Variants in TTC21B observed in about 807,000 individuals in gnomAD.
The protein encoded by TTC21B is tetratricopeptide repeat domain 21B.
A neutral mutation model predicts 175.1 loss-of-function variants in TTC21B; 127 were observed. That is an observed-to-expected ratio of 0.73 (90% CI 0.63 to 0.84). The LOEUF (loss-of-function observed/expected upper bound fraction) is 0.84, where lower values mean the gene tolerates loss of function less well. Ranked by LOEUF, TTC21B falls within the 40% of genes least tolerant of loss-of-function variation. TTC21B has a pLI of 0.00. For missense variants in TTC21B, 1,561 were observed against 1,558.3 expected (o/e 1.00, Z -0.03); for synonymous variants, 524 against 524.5 (o/e 1.00, Z 0.01).
In TTC21B at chr2:165,874,656, A is replaced by G; in HGVS notation, c.*99T>C. On this transcript the variant is annotated 3_prime_UTR_variant, in exon 29 of 29. Transcript: ENST00000243344. ...CTGGAGAAAAAAGGGTATACTTCTA[A>G]TAACAAAGCACTGAGCTCAAACCTG... The G allele has an allele frequency of 1.9e-6, 2 of 1,069,470 alleles. No individual in the cohort carries two copies. The highest frequency in any genetic ancestry group is 2.9e-6 in the Non-Finnish European group (2 of 695,528). 66.2% of individuals were successfully genotyped at this position (1,069,470 alleles called of 1,614,324 possible).
intron 19 of TTC21B, among the ~76,000 whole-genome samples, 172 bp downstream of exon 19, chr2:165,907,506 G>C (rs1685778883): frequency 6.6e-6 from 1 of 152,156 alleles, no homozygotes; most frequent in African/African-American, 2.4e-5. Flanking sequence ...TATAATAGTA[G>C]TAATAGTATA....
In TTC21B at chr2:165,946,208, G is replaced by A. The variant is rs985103400; in HGVS notation, c.263-518C>T. On this transcript the variant is annotated intron_variant, in intron 3 of 28. Coordinates refer to ENST00000243344, the MANE Select transcript of TTC21B (RefSeq NM_024753.5). ...AAAAAAATTAGCCGGGCGTGATAGCGTGCACCTGTAGTCCCAGCTGCTGGG... is the reference window on the plus strand; with the variant it reads ...AAAAAAATTAGCCGGGCGTGATAGCATGCACCTGTAGTCCCAGCTGCTGGG... Among the ~76,000 whole-genome samples, 6 of 151,626 alleles carry A rather than the reference G, an allele frequency of 4.0e-5. No individual in the cohort carries two copies. In the South Asian group the frequency reaches 8.3e-4, roughly 21 times the overall value.
chr2:165,920,587 C>T (rs779792846), intron 12 of TTC21B, among the ~76,000 whole-genome samples: 3 of 151,696 alleles, frequency 2.0e-5, no homozygotes, highest in Admixed American at 6.6e-5. Context: ...AGGACTAAGG[C>T]GATAATTTGA....
At chr2:165,930,735 G>GTGTGTGTGTGTGTGTGTGTGTGTGTA (rs1559067279) in intron 8 of TTC21B, among the ~76,000 whole-genome samples, 2 of 18,384 alleles carry the variant, frequency 1.1e-4, no homozygotes, top group South Asian at 3.2e-3. Context: ...GTATGGGGGT[G>GTGTGTGTGTGTGTGTGTGTGTGTGTA]TGTGTGTGTG....
Position 165,912,607 on chromosome 2 carries a change from T to A in TTC21B, c.2229A>T (p.Val743=). The A allele has an allele frequency of 1.2e-6, 2 of 1,614,080 alleles. No individual in the cohort carries two copies. The highest frequency in any genetic ancestry group is 1.7e-6 in the Non-Finnish European group (2 of 1,179,968). The part of the protein sequence containing the change: ...MNILEPEEAI[V]AYEQALNQNP... Reference sequence around the variant, plus strand: ...TCTGATTTAATGCTTGCTCATATGCTACTATGGCTTCTTCAGGCTAATATT... The same window carrying A: ...TCTGATTTAATGCTTGCTCATATGCAACTATGGCTTCTTCAGGCTAATATT... The change falls in exon 17 of 29, where the codon GTA becomes GTT. Residue 743 remains valine, a synonymous_variant. Coordinates refer to ENST00000243344, the MANE Select transcript of TTC21B (RefSeq NM_024753.5).
At chr2:165,938,845 T>C (rs1687261867) in intron 6 of TTC21B, among the ~76,000 whole-genome samples, 1 of 152,056 alleles carries the variant, frequency 6.6e-6, no homozygotes. Flanking sequence ...CCAATCACCA[T>C]ATGTGGACTT....
intron 27 of TTC21B, among the ~76,000 whole-genome samples, chr2:165,876,876 G>A (rs1227903743): frequency 6.6e-6 from 1 of 152,154 alleles, no homozygotes; most frequent in Admixed American, 6.5e-5. Flanking sequence ...TAAGGCCAGT[G>A]GTAGGACACA....
intron 27 of TTC21B, among the ~76,000 whole-genome samples, chr2:165,878,380 C>T (rs1684736489): frequency 6.6e-6 from 1 of 152,152 alleles, no homozygotes; most frequent in South Asian, 2.1e-4. Context: ...ACATTCTACA[C>T]AGTCTAATGA....
At chr2:165,917,726 C>T (rs1460440942) in intron 13 of TTC21B, among the ~76,000 whole-genome samples, 2 of 152,152 alleles carry the variant, frequency 1.3e-5, no homozygotes, top group Non-Finnish European at 1.5e-5. Flanking sequence ...TCTACTGTGA[C>T]AGAAGAGAAA....
At chr2:165,894,164 T>C (rs911514927) in intron 22 of TTC21B, among the ~76,000 whole-genome samples, 1 of 152,178 alleles carries the variant, frequency 6.6e-6, no homozygotes, top group Admixed American at 6.5e-5. Flanking sequence ...CTGGATGTGT[T>C]AGCTAGCTAT....
intron 11 of TTC21B, among the ~76,000 whole-genome samples, chr2:165,926,676 A>G (rs1045057444): frequency 8.5e-5 from 13 of 152,072 alleles, no homozygotes; most frequent in Admixed American, 8.5e-4. Flanking sequence ...GTTTGAGTCA[A>G]GAGGCTGAGA....
intron 15 of TTC21B, 106 bp downstream of exon 15, chr2:165,915,095 T>C (rs1455487613): frequency 6.5e-6 from 6 of 924,766 alleles, no homozygotes; most frequent in Non-Finnish European, 1.1e-5. Flanking sequence ...CAGAAAACGA[T>C]CTGTAAAGTA....
chr2:165,898,755 G>A lies in TTC21B; in HGVS notation c.2881C>T (p.Leu961Phe), dbSNP rs369399844. The stretch of plus-strand genomic sequence containing the variant: ...TCATAGTCTTGTTTTCTGAACATGA[G>A]ATCAGCCATCATCTATAAAGATAAA... Reference protein sequence around the residue: ...NEAATMMMADLMFRKQDYEQA... With the variant: ...NEAATMMMADFMFRKQDYEQA... The change falls in exon 22 of 29, where the codon CTC becomes TTC. Residue 961 changes from leucine to phenylalanine, a missense_variant. By Grantham distance (22) the Leu-to-Phe change is conservative (BLOSUM62 0). Coordinates refer to ENST00000243344, the MANE Select transcript of TTC21B (RefSeq NM_024753.5). The A allele has an allele frequency of 4.3e-6, 7 of 1,611,236 alleles. No homozygotes were observed. In the African/African-American group the frequency reaches 9.3e-5, roughly 21 times the overall value.
chr2:165,943,262 T>A lies in TTC21B; in HGVS notation c.509A>T (p.Glu170Val), dbSNP rs763763887. 2.5e-6 allele frequency: 4 copies of A among 1,613,578 alleles called. No homozygotes were observed. The highest frequency in any genetic ancestry group is 3.4e-6 in the Non-Finnish European group (4 of 1,179,516). The change falls in exon 5 of 29, where the codon GAG (glutamate) becomes GTG (valine). Residue 170 changes from glutamate to valine, a missense_variant. Transcript: ENST00000243344. ...YTKKALKYFE[E>V]GLQDGNDTFA... is the part of the protein sequence containing the mutation. ...AGTATCATTCCCATCTTGGAGTCCC[T>A]CTTCAAAATACTTCAGTGCTTTTTT... is the stretch of plus-strand genomic sequence containing the variant.
chr2:165,888,233 A>G, intron 25 of TTC21B, 46 bp downstream of exon 25: 1 of 1,374,794 alleles, frequency 7.3e-7, no homozygotes, highest in East Asian at 2.3e-5. Flanking sequence ...TTTCTATACT[A>G]CCAAATAAAG....
intron 11 of TTC21B, 93 bp downstream of exon 11, chr2:165,929,042 C>T (rs1482856778): frequency 6.3e-6 from 7 of 1,111,828 alleles, no homozygotes; most frequent in East Asian, 2.5e-5. Context: ...TTTAAGATGC[C>T]GATATAGTCT....
In TTC21B at chr2:165,890,876, C is replaced by T; in HGVS notation, c.3063G>A (p.Leu1021=). The change falls in exon 23 of 29, where the codon TTG becomes TTA. Residue 1021 remains leucine, a synonymous_variant. Coordinates refer to ENST00000243344, the MANE Select transcript of TTC21B (RefSeq NM_024753.5). ...CTTTACAATACTGAAATCCTGGTTC[C>T]AATTTTGCTCTGGAGTTACGTTTCT... The part of the protein sequence containing the change: ...MAEKRNSRAK[L]EPGFQYCKGL... 6.2e-7 allele frequency: 1 copy of T among 1,613,270 alleles called. No homozygotes were observed. Among genetic ancestry groups the T allele is most frequent in the Non-Finnish European group, 8.5e-7 (1 of 1,179,582 alleles).
chr2:165,911,013 T>C (rs901934116), intron 18 of TTC21B, among the ~76,000 whole-genome samples: 2 of 152,164 alleles, frequency 1.3e-5, no homozygotes, highest in South Asian at 2.1e-4. Flanking sequence ...AAAAGAAGCA[T>C]GCTACTTTTT....
intron 11 of TTC21B, among the ~76,000 whole-genome samples, chr2:165,928,541 A>C (rs1686763760): frequency 6.6e-6 from 1 of 152,122 alleles, no homozygotes; most frequent in Non-Finnish European, 1.5e-5. Context: ...ACTATTTCAT[A>C]TAAAACATAA....
Sources: allele counts gnomAD v4.1 joint callset (sites outside exome capture counted in the v4.1 genomes callset), GRCh38; gene constraint gnomAD v4.1.1; transcripts MANE v1.5; gene names NCBI Gene and HGNC (gene_info 2026-07-23, HGNC 2026-07-21).